The following EDAR variants were observed in gnomAD, a reference collection of about 807,000 sequenced individuals.
The protein encoded by EDAR is ectodysplasin A receptor, also known as tumor necrosis factor receptor superfamily member EDAR.
EDAR carries 38 observed loss-of-function variants against 51.3 expected under a neutral mutation model. That is an observed-to-expected ratio of 0.74 (90% confidence interval 0.57 to 0.97). EDAR has a LOEUF of 0.97. EDAR is among the 50% of genes least tolerant of loss of function. The probability of loss-of-function intolerance (pLI) is 0.00; values close to 1 mark genes in which losing one functional copy is unlikely to be tolerated. For missense variants in EDAR, 528 were observed against 595.0 expected (o/e 0.89, Z 1.17); for synonymous variants, 227 against 242.1 (o/e 0.94, Z 0.58).
At chr2:108,926,768 T>G (rs914137823) in intron 4 of EDAR, among the ~76,000 whole-genome samples, 1 of 152,214 alleles carries the variant, frequency 6.6e-6, no homozygotes, top group Non-Finnish European at 1.5e-5. Flanking sequence ...GAGAAGCACC[T>G]GCCAAACCGC....
At chr2:108,961,837 C>T (rs1698053209) in intron 1 of EDAR, among the ~76,000 whole-genome samples, 1 of 152,180 alleles carries the variant, frequency 6.6e-6, no homozygotes, top group African/African-American at 2.4e-5. Flanking sequence ...CCTTGCTTCA[C>T]ACTAATGGCC....
In EDAR at chr2:108,978,350, G is replaced by C. The variant is rs138380854; in HGVS notation, c.-19+10610C>G. ...TTTCCAATAATCACCATCTTATTAGGTGGCCAGGTCTCCTATTAAGTACAA... is the reference window on the plus strand; with the variant it reads ...TTTCCAATAATCACCATCTTATTAGCTGGCCAGGTCTCCTATTAAGTACAA... On this transcript the variant is annotated intron_variant, in intron 1 of 11. Transcript: ENST00000258443. Among the ~76,000 whole-genome samples, 1,281 of 152,198 alleles carry C rather than the reference G, an allele frequency of 8.4e-3. 12 individuals carry two copies. Among genetic ancestry groups the C allele is most frequent in the Non-Finnish European group, 0.012 (815 of 68,010 alleles).
At chr2:108,944,296 T>TA in intron 1 of EDAR, among the ~76,000 whole-genome samples, 1 of 152,292 alleles carries the variant, frequency 6.6e-6, no homozygotes, top group African/African-American at 2.4e-5. Flanking sequence ...GTATTTTTAG[T>TA]AGAGACGGGG....
chr2:108,977,568 C>T (rs1384679493), intron 1 of EDAR, among the ~76,000 whole-genome samples: 2 of 152,142 alleles, frequency 1.3e-5, no homozygotes, highest in Non-Finnish European at 2.9e-5. Context: ...CCGAGCCTGG[C>T]CAGGAGCTCG....
chr2:108,984,297 G>A (rs1477947103), intron 1 of EDAR, among the ~76,000 whole-genome samples: 3 of 152,122 alleles, frequency 2.0e-5, no homozygotes, highest in Non-Finnish European at 4.4e-5. Context: ...ACAGCAACCG[G>A]CGTGGCATGG....
intron 11 of EDAR, among the ~76,000 whole-genome samples, chr2:108,898,884 A>G (rs1457334117): frequency 6.6e-6 from 1 of 152,254 alleles, no homozygotes; most frequent in Non-Finnish European, 1.5e-5. Context: ...AAATTACTCA[A>G]TCAGAGAAAA....
chr2:108,909,658 G>A (rs1696879246), intron 9 of EDAR, among the ~76,000 whole-genome samples: 1 of 152,256 alleles, frequency 6.6e-6, no homozygotes, highest in Admixed American at 6.5e-5. Flanking sequence ...AGCTGATGCT[G>A]TGGGGTTGAT....
intron 9 of EDAR, among the ~76,000 whole-genome samples, chr2:108,908,549 T>A (rs1050519600): frequency 6.6e-6 from 1 of 152,060 alleles, no homozygotes; most frequent in Admixed American, 6.6e-5. Flanking sequence ...GGCTGACCTG[T>A]GTGCATTGCA....
intron 1 of EDAR, among the ~76,000 whole-genome samples, chr2:108,935,760 A>AGTAT (rs1418396243): frequency 1.3e-5 from 2 of 152,216 alleles, no homozygotes; most frequent in Non-Finnish European, 2.9e-5. Context: ...GCAATCTTAT[A>AGTAT]GGCCCTAAGG....
In EDAR at chr2:108,975,770, C is replaced by T. The variant is rs141001649; in HGVS notation, c.-19+13190G>A. Among the ~76,000 whole-genome samples the T allele has an allele frequency of 7.9e-5, 12 of 152,252 alleles. No individual in the cohort carries two copies. The East Asian group carries it at 9.7e-4, about 12-fold the overall frequency. On this transcript the variant is annotated intron_variant, in intron 1 of 11. Coordinates refer to ENST00000258443, the MANE Select transcript of EDAR (RefSeq NM_022336.4). ...TCCAGCAAGAGAAGGGTGGCACTGT[C>T]GGCCAGGCTCCGTGCGGCATCAGGA...
chr2:108,962,709 A>T (rs1188358044), intron 1 of EDAR, among the ~76,000 whole-genome samples: 1 of 147,182 alleles, frequency 6.8e-6, no homozygotes, highest in Non-Finnish European at 1.5e-5. Context: ...AAAGAGAGAA[A>T]GGAATGCAAT....
chr2:108,965,203 C>T (rs912268475), intron 1 of EDAR, among the ~76,000 whole-genome samples: 1 of 152,040 alleles, frequency 6.6e-6, no homozygotes, highest in Non-Finnish European at 1.5e-5. Context: ...ATGGGCCAGG[C>T]GCGGTGGCTC....
rs769703871 is a variant in EDAR at position 108,930,996 on chromosome 2, A to T, written c.19T>A (p.Cys7Ser). The T allele has an allele frequency of 1.9e-6, 3 of 1,613,992 alleles. No homozygotes were observed. Among genetic ancestry groups the T allele is most frequent in the Non-Finnish European group, 2.5e-6 (3 of 1,180,028 alleles). Residue 7 changes from cysteine to serine, a missense_variant, in exon 2 of 12, where the codon TGC becomes AGC. Coordinates refer to ENST00000258443, the MANE Select transcript of EDAR (RefSeq NM_022336.4). MAHVGD[C>S]TQTPWLPVLV... ...ACGGGGAGCCAGGGCGTCTGCGTGCAGTCCCCCACATGGGCCATCCTCTCC... is the reference window on the plus strand; with the variant it reads ...ACGGGGAGCCAGGGCGTCTGCGTGCTGTCCCCCACATGGGCCATCCTCTCC...
At chr2:108,925,940 T>G (rs1369573460) in intron 4 of EDAR, among the ~76,000 whole-genome samples, 1 of 152,128 alleles carries the variant, frequency 6.6e-6, no homozygotes, top group Non-Finnish European at 1.5e-5. Context: ...AAAAAAACAT[T>G]GGCTCCAAGA....
chr2:108,977,994 G>C (rs76508359), intron 1 of EDAR, among the ~76,000 whole-genome samples: 1 of 152,186 alleles, frequency 6.6e-6, no homozygotes, highest in African/African-American at 2.4e-5. Context: ...TTCTATTCTC[G>C]TAGAGGAACT....
chr2:108,933,026 G>A (rs1333470226), intron 1 of EDAR, among the ~76,000 whole-genome samples: 1 of 152,182 alleles, frequency 6.6e-6, no homozygotes, highest in Non-Finnish European at 1.5e-5. Flanking sequence ...CCTTAAGATG[G>A]TACGCTTGTT....
chr2:108,975,817 C>T (rs753044195), intron 1 of EDAR, among the ~76,000 whole-genome samples: 17 of 152,084 alleles, frequency 1.1e-4, no homozygotes, highest in Admixed American at 4.6e-4. Flanking sequence ...CACTCCTGAA[C>T]GAGCTCGAGA....
At chr2:108,951,613 C>T (rs2104369484) in intron 1 of EDAR, among the ~76,000 whole-genome samples, 1 of 152,236 alleles carries the variant, frequency 6.6e-6, no homozygotes, top group East Asian at 1.9e-4. Flanking sequence ...ATATGGTTTA[C>T]AGGGAAGGGC....
At chr2:108,947,531 T>A (rs1558826193) in intron 1 of EDAR, among the ~76,000 whole-genome samples, 1 of 152,304 alleles carries the variant, frequency 6.6e-6, no homozygotes, top group East Asian at 1.9e-4. Context: ...GGCATTTTCA[T>A]ACATACTCTG....
Sources: allele counts gnomAD v4.1 joint callset (sites outside exome capture counted in the v4.1 genomes callset), GRCh38; gene constraint gnomAD v4.1.1; transcripts MANE v1.5; gene names NCBI Gene and HGNC (gene_info 2026-07-23, HGNC 2026-07-21).